Variants in HS3ST4 observed in about 807,000 individuals in gnomAD.
HS3ST4 encodes heparan sulfate-glucosamine 3-sulfotransferase 4.
HS3ST4 carries 17 observed loss-of-function variants against 29.2 expected under a neutral mutation model. The ratio of observed to expected loss-of-function variants is 0.58; its 90% CI spans 0.40 to 0.87. The LOEUF is 0.87. Among genes scored for constraint, HS3ST4 ranks in the 40% least tolerant of loss-of-function variants. The pLI is 0.00. For missense variants in HS3ST4, 627 were observed against 634.5 expected (o/e 0.99, Z 0.13); for synonymous variants, 314 against 285.7 (o/e 1.10, Z -1.00).
At chr16:26,116,818 A>G (rs1474135698) in intron 1 of HS3ST4, among the ~76,000 whole-genome samples, 1 of 152,202 alleles carries the variant, frequency 6.6e-6, no homozygotes, top group Non-Finnish European at 1.5e-5. Flanking sequence ...TAATGCTCCA[A>G]AATCTGAAAC....
chr16:25,876,814 T>A (rs974863609), intron 1 of HS3ST4, among the ~76,000 whole-genome samples: 1 of 152,112 alleles, frequency 6.6e-6, no homozygotes, highest in Admixed American at 6.6e-5. Context: ...CTTCAGTTGT[T>A]CTCTCCTATC....
intron 1 of HS3ST4, among the ~76,000 whole-genome samples, chr16:26,077,077 A>C (rs1898671823): frequency 6.6e-6 from 1 of 152,078 alleles, no homozygotes; most frequent in African/African-American, 2.4e-5. Flanking sequence ...GGGTTCATTC[A>C]TGCAGCTGCA....
intron 1 of HS3ST4, among the ~76,000 whole-genome samples, chr16:25,859,961 G>C (rs1366336277): frequency 6.6e-6 from 1 of 152,220 alleles, no homozygotes; most frequent in Non-Finnish European, 1.5e-5. Flanking sequence ...CCTCCTGTCA[G>C]ATCAGCAGCG....
chr16:25,710,130 T>A (rs1966405745), intron 1 of HS3ST4, among the ~76,000 whole-genome samples: 1 of 151,716 alleles, frequency 6.6e-6, no homozygotes, highest in Non-Finnish European at 1.5e-5. Context: ...TTTTTTCTGC[T>A]TCTGTAAGAC....
rs1232063267 is a variant in HS3ST4 at position 26,137,288 on chromosome 16, T to C, written c.*1040T>C. The C allele has an allele frequency of 2.0e-5, 3 of 152,152 alleles. No homozygotes were observed. Among genetic ancestry groups the C allele is most frequent in the African/African-American group, 7.2e-5 (3 of 41,438 alleles). 9.4% of individuals were successfully genotyped at this position (152,152 alleles called of 1,614,324 possible). A position where few individuals can be genotyped will look rare whatever the true frequency, so the allele number is the denominator to read the frequency against. ...TTAGGAATAATCCTTAGCCATGTAATGGAGAAAGGAGCAGTCAGCATTCTT... is the reference window on the plus strand; with the variant it reads ...TTAGGAATAATCCTTAGCCATGTAACGGAGAAAGGAGCAGTCAGCATTCTT... On this transcript the variant is annotated 3_prime_UTR_variant, in exon 2 of 2. Coordinates refer to ENST00000331351, the MANE Select transcript of HS3ST4 (RefSeq NM_006040.3).
At chr16:25,843,069 A>G (rs1294914978) in intron 1 of HS3ST4, among the ~76,000 whole-genome samples, 1 of 152,242 alleles carries the variant, frequency 6.6e-6, no homozygotes, top group African/African-American at 2.4e-5. Flanking sequence ...TTCTTGGAAA[A>G]TGGATAACTG....
At chr16:26,033,031 C>T (rs1469712639) in intron 1 of HS3ST4, among the ~76,000 whole-genome samples, 2 of 152,048 alleles carry the variant, frequency 1.3e-5, no homozygotes, top group East Asian at 1.9e-4. Flanking sequence ...AGGGTATATA[C>T]GAGGTGGGAC....
At chr16:26,020,364 G>A (rs1178426553) in intron 1 of HS3ST4, among the ~76,000 whole-genome samples, 3 of 152,156 alleles carry the variant, frequency 2.0e-5, no homozygotes, top group East Asian at 1.9e-4. Flanking sequence ...ATAGATATAC[G>A]AAGAGGCATT....
chr16:25,928,993 G>A (rs535084453), intron 1 of HS3ST4, among the ~76,000 whole-genome samples: 9 of 152,268 alleles, frequency 5.9e-5, no homozygotes, highest in African/African-American at 1.9e-4. Context: ...TTTGGTCCAA[G>A]GTGTGCAAGA....
intron 1 of HS3ST4, among the ~76,000 whole-genome samples, chr16:26,002,867 C>T (rs1008475558): frequency 1.3e-5 from 2 of 149,852 alleles, no homozygotes; most frequent in Admixed American, 6.7e-5. Flanking sequence ...TTGAGTTATT[C>T]AATATTTGAT....
chr16:25,784,443 A>G (rs1301556100), intron 1 of HS3ST4, among the ~76,000 whole-genome samples: 2 of 152,358 alleles, frequency 1.3e-5, no homozygotes, highest in Non-Finnish European at 1.5e-5. Flanking sequence ...TGTGAGTGCA[A>G]AAGGAAAGTT....
intron 1 of HS3ST4, among the ~76,000 whole-genome samples, chr16:25,880,321 G>A (rs1271995278): frequency 6.6e-6 from 1 of 152,110 alleles, no homozygotes; most frequent in Non-Finnish European, 1.5e-5. Flanking sequence ...CCAGAGTCTA[G>A]CACAGTGCCT....
intron 1 of HS3ST4, among the ~76,000 whole-genome samples, chr16:25,798,623 A>G (rs1368622597): frequency 6.6e-6 from 1 of 152,224 alleles, no homozygotes; most frequent in Non-Finnish European, 1.5e-5. Flanking sequence ...TCCACAGTGA[A>G]TATTTTGAAC....
intron 1 of HS3ST4, among the ~76,000 whole-genome samples, chr16:25,803,576 C>G (rs1966962019): frequency 6.6e-6 from 1 of 152,118 alleles, no homozygotes; most frequent in Admixed American, 6.5e-5. Flanking sequence ...CCTTATTTTA[C>G]TGAGTTTTTC....
chr16:25,856,351 C>T (rs139842547), intron 1 of HS3ST4, among the ~76,000 whole-genome samples: 92 of 152,148 alleles, frequency 6.0e-4, no homozygotes, highest in African/African-American at 2.1e-3. Context: ...CACCCTCCAA[C>T]CTTCAGGGAG....
At chr16:26,081,334 C>CCTAAACACA (rs1329925275) in intron 1 of HS3ST4, among the ~76,000 whole-genome samples, 2 of 151,118 alleles carry the variant, frequency 1.3e-5, no homozygotes, top group Non-Finnish European at 2.9e-5. Context: ...CTAGATAATA[C>CCTAAACACA]CTAAACACAT....
intron 1 of HS3ST4, among the ~76,000 whole-genome samples, chr16:26,008,390 G>T (rs555084169): frequency 4.9e-4 from 74 of 152,252 alleles, no homozygotes; most frequent in African/African-American, 1.3e-3. Context: ...GGTGATAAAG[G>T]CTGTTTTTTC....
chr16:25,711,023 T>C (rs1966411788), intron 1 of HS3ST4, among the ~76,000 whole-genome samples: 1 of 151,762 alleles, frequency 6.6e-6, no homozygotes, highest in South Asian at 2.1e-4. Context: ...GGGTCTTGCT[T>C]TTTTGCTTAG....
intron 1 of HS3ST4, among the ~76,000 whole-genome samples, chr16:25,710,188 C>G (rs1966406118): frequency 6.6e-6 from 1 of 152,100 alleles, no homozygotes; most frequent in South Asian, 2.1e-4. Flanking sequence ...ATTCCCTTGT[C>G]CAATCTAGTG....
Sources: allele counts gnomAD v4.1 joint callset (sites outside exome capture counted in the v4.1 genomes callset), GRCh38; gene constraint gnomAD v4.1.1; transcripts MANE v1.5; gene names NCBI Gene and HGNC (gene_info 2026-07-23, HGNC 2026-07-21).